HIVEP3: variants seen among roughly 807,000 people sequenced by gnomAD.
HIVEP3 encodes the protein transcription factor HIVEP3.
In HIVEP3, 49 loss-of-function variants were observed where a neutral mutation model predicts 152.8. The ratio of observed to expected loss-of-function variants is 0.32; its 90% CI spans 0.26 to 0.41. The LOEUF (loss-of-function observed/expected upper bound fraction) is 0.41. Ranked by LOEUF, HIVEP3 falls within the 10% of genes least tolerant of loss-of-function variation. HIVEP3 has a pLI of 1.00. For synonymous variants in HIVEP3, 1,269 were observed against 1,289.0 expected (o/e 0.98, Z 0.33); for missense variants, 2,790 against 3,103.3 (o/e 0.90, Z 2.40).
chr1:41,833,088 A>G (rs1259501473), intron 1 of HIVEP3, among the ~76,000 whole-genome samples: 1 of 152,246 alleles, frequency 6.6e-6, no homozygotes, highest in African/African-American at 2.4e-5. Context: ...TAATTCAGCT[A>G]AAATAAACCC....
At chr1:41,768,026 G>T (rs750217786) in intron 1 of HIVEP3, among the ~76,000 whole-genome samples, 9 of 152,230 alleles carry the variant, frequency 5.9e-5, no homozygotes, top group Non-Finnish European at 1.0e-4. Flanking sequence ...TACAGATGAA[G>T]AAACGGAGGC....
intron 1 of HIVEP3, among the ~76,000 whole-genome samples, chr1:41,722,082 C>T: frequency 6.6e-6 from 1 of 152,208 alleles, no homozygotes; most frequent in Admixed American, 6.5e-5. Flanking sequence ...TGCCCCTACC[C>T]CTGCCCCTGG....
intron 1 of HIVEP3, among the ~76,000 whole-genome samples, chr1:41,800,983 C>T (rs1159314239): frequency 1.3e-5 from 2 of 152,144 alleles, no homozygotes; most frequent in Admixed American, 1.3e-4. Flanking sequence ...GTGCAGAGAA[C>T]AAACTACAAT....
intron 1 of HIVEP3, among the ~76,000 whole-genome samples, chr1:41,750,725 G>C (rs1397880817): frequency 7.3e-6 from 1 of 136,634 alleles, no homozygotes; most frequent in Non-Finnish European, 1.6e-5. Context: ...TTTGACACGC[G>C]TCTCGCTCTG....
At chr1:41,524,089 G>A (rs905390975) in intron 6 of HIVEP3, among the ~76,000 whole-genome samples, 1 of 152,172 alleles carries the variant, frequency 6.6e-6, no homozygotes, top group Admixed American at 6.5e-5. Flanking sequence ...TTCACAGCAG[G>A]CCCCTCCTTT....
At position 41,508,723 on chromosome 1, in the gene HIVEP3, C is replaced by A; in HGVS notation, c.*1728G>T. ...GAACTCACAGAAGGGTCTTAACCCT[C>A]CCCACCTACTGTGTCCTGTACCCAA... On this transcript the variant is annotated 3_prime_UTR_variant, in exon 9 of 9. Coordinates refer to ENST00000372583, the MANE Select transcript of HIVEP3 (RefSeq NM_024503.5). The A allele has an allele frequency of 6.6e-6, 1 of 152,440 alleles. No homozygotes were observed. The highest frequency in any genetic ancestry group is 6.5e-5 in the Admixed American group (1 of 15,304). 9.4% of individuals were successfully genotyped at this position (152,440 alleles called of 1,614,324 possible). A position where few individuals can be genotyped will look rare whatever the true frequency, so the allele number is the denominator to read the frequency against.
At chr1:41,963,721 T>C (rs1344629179) in intron 1 of HIVEP3, among the ~76,000 whole-genome samples, 1 of 152,168 alleles carries the variant, frequency 6.6e-6, no homozygotes, top group Non-Finnish European at 1.5e-5. Flanking sequence ...TGGTGGAACC[T>C]AGCCTTAAAG....
chr1:41,868,348 G>C (rs978814153), intron 1 of HIVEP3, among the ~76,000 whole-genome samples: 1 of 152,122 alleles, frequency 6.6e-6, no homozygotes, highest in African/African-American at 2.4e-5. Flanking sequence ...GGGACAGGAT[G>C]CCCTGCTGAT....
At chr1:41,693,390 G>A (rs905942122) in intron 2 of HIVEP3, among the ~76,000 whole-genome samples, 2 of 152,146 alleles carry the variant, frequency 1.3e-5, no homozygotes, top group Non-Finnish European at 2.9e-5. Flanking sequence ...CACTTTGATT[G>A]TTTAATGTGT....
chr1:41,986,585 C>T (rs1003772026), intron 1 of HIVEP3, among the ~76,000 whole-genome samples: 9 of 152,102 alleles, frequency 5.9e-5, no homozygotes, highest in Middle Eastern at 6.8e-3. Flanking sequence ...GAAATACAGG[C>T]GCCCGCCACC....
chr1:41,703,037 C>G (rs1316901685), intron 1 of HIVEP3, among the ~76,000 whole-genome samples: 1 of 152,224 alleles, frequency 6.6e-6, no homozygotes, highest in Non-Finnish European at 1.5e-5. Flanking sequence ...TCGTTTCCAT[C>G]TGCTACCTCA....
intron 1 of HIVEP3, among the ~76,000 whole-genome samples, chr1:42,001,634 T>C (rs1486980309): frequency 6.6e-6 from 1 of 152,234 alleles, no homozygotes; most frequent in Non-Finnish European, 1.5e-5. Flanking sequence ...GGCACAGCTA[T>C]GCACCCACAG....
chr1:41,595,788 C>T (rs1016973312), intron 3 of HIVEP3, among the ~76,000 whole-genome samples: 8 of 152,152 alleles, frequency 5.3e-5, no homozygotes, highest in South Asian at 2.1e-4. Context: ...GGCTTAGCCT[C>T]CTGGCCTACA....
intron 1 of HIVEP3, among the ~76,000 whole-genome samples, chr1:41,704,384 G>A (rs1222337187): frequency 1.3e-5 from 2 of 152,258 alleles, no homozygotes; most frequent in Admixed American, 1.3e-4. Context: ...AGGCGAGACA[G>A]CTGCTTAGGA....
At chr1:41,640,163 G>A (rs1310005960) in intron 2 of HIVEP3, among the ~76,000 whole-genome samples, 1 of 152,000 alleles carries the variant, frequency 6.6e-6, no homozygotes, top group African/African-American at 2.4e-5. Flanking sequence ...GGTGTATATG[G>A]GGAGCACCCA....
intron 1 of HIVEP3, among the ~76,000 whole-genome samples, chr1:41,710,512 A>C (rs949568414): frequency 4.6e-5 from 7 of 152,092 alleles, no homozygotes; most frequent in African/African-American, 1.7e-4. Flanking sequence ...TGAGGGTCTG[A>C]CTATCCTCTC....
intron 5 of HIVEP3, among the ~76,000 whole-genome samples, chr1:41,562,931 C>T (rs1367839918): frequency 6.6e-6 from 1 of 151,994 alleles, no homozygotes; most frequent in East Asian, 1.9e-4. Flanking sequence ...TCCAGCAGCT[C>T]AGGAGACTCT....
rs1644471859 is a variant in HIVEP3 at position 41,584,443 on chromosome 1, A to G, written c.355T>C (p.Trp119Arg). The G allele has an allele frequency of 1.2e-6, 2 of 1,614,162 alleles. No individual in the cohort carries two copies. Among genetic ancestry groups the G allele is most frequent in the Non-Finnish European group, 1.7e-6 (2 of 1,180,008 alleles). ...GGTCTCATGGGGTCAACCAGTTGCC[A>G]TGTGGACCCCTCCAGGAGATGCTCA... ...KPEHLLEGST[W>R]QLVDPMRPGP... The change falls in exon 4 of 9, where the codon TGG becomes CGG. Residue 119 changes from tryptophan (W) to arginine (R), a missense_variant. Around this residue, in one of 9 missense-constraint regions of HIVEP3, gnomAD observed 209 missense variants for 237.0 expected, o/e 0.88. Coordinates refer to ENST00000372583, the MANE Select transcript of HIVEP3 (RefSeq NM_024503.5). The surrounding 1 kb of genome is among the most constrained non-coding windows in gnomAD (Gnocchi z 5.2).
At chr1:41,547,104 A>C (rs919113970) in intron 5 of HIVEP3, among the ~76,000 whole-genome samples, 6 of 152,204 alleles carry the variant, frequency 3.9e-5, no homozygotes, top group African/African-American at 9.6e-5. Flanking sequence ...CACTGAGCTA[A>C]GAGAGGCACA....
Sources: allele counts gnomAD v4.1 joint callset (sites outside exome capture counted in the v4.1 genomes callset), GRCh38; gene constraint gnomAD v4.1.1; regional missense constraint gnomAD v4.1.1; non-coding constraint Gnocchi (gnomAD v3.1); transcripts MANE v1.5; gene names NCBI Gene and HGNC (gene_info 2026-07-23, HGNC 2026-07-21).